The following ADAM10 variants were observed in gnomAD, a reference collection of about 807,000 sequenced individuals.
The protein encoded by ADAM10 is disintegrin and metalloproteinase domain-containing protein 10.
Under a neutral mutation model 90.1 loss-of-function variants are expected in ADAM10, and 17 were observed. The ratio of observed to expected loss-of-function variants is 0.19; its 90% CI spans 0.13 to 0.28. The LOEUF is 0.28. ADAM10 is among the 10% of genes least tolerant of loss of function. The pLI, the probability that ADAM10 is intolerant of heterozygous loss-of-function variation, is 1.00. For synonymous variants in ADAM10, 310 were observed against 298.6 expected (o/e 1.04, Z -0.40); for missense variants, 610 against 914.3 (o/e 0.67, Z 4.29).
At chr15:58,627,091 C>T (rs541040104) in intron 10 of ADAM10, among the ~76,000 whole-genome samples, 17 of 152,162 alleles carry the variant, frequency 1.1e-4, no homozygotes, top group African/African-American at 4.1e-4. Context: ...ATTCATACAA[C>T]GTAATAGTAC....
At chr15:58,706,662 G>A (rs1296042925) in intron 2 of ADAM10, among the ~76,000 whole-genome samples, 1 of 152,096 alleles carries the variant, frequency 6.6e-6, no homozygotes, top group Non-Finnish European at 1.5e-5. Flanking sequence ...GAGGAGGAAG[G>A]GGGAAAGGGT....
In ADAM10 at chr15:58,649,213, A is replaced by G. The variant is rs548748860; in HGVS notation, c.586-3009T>C. Among the ~76,000 whole-genome samples the G allele has an allele frequency of 1.6e-4, 25 of 152,266 alleles. No homozygotes were observed. In the South Asian group the frequency reaches 2.5e-3, roughly 15 times the overall value. The stretch of plus-strand genomic sequence containing the variant: ...CTTCCCCCATTAGCTTGTTAGTTAT[A>G]TATTTTACTAATACTTGACTTACCA... On this transcript the variant is annotated intron_variant, in intron 5 of 15. Transcript: ENST00000260408.
rs1337792617 is a variant in ADAM10 at position 58,593,842 on chromosome 15, A to G, written c.*3705T>C. The G allele has an allele frequency of 1.1e-4, 16 of 152,256 alleles. No homozygotes were observed. Among genetic ancestry groups the G allele is most frequent in the Admixed American group, 7.2e-4 (11 of 15,290 alleles). 9.4% of individuals were successfully genotyped at this position (152,256 alleles called of 1,614,324 possible). A position where few individuals can be genotyped will look rare whatever the true frequency, so the allele number is the denominator to read the frequency against. On this transcript the variant is annotated 3_prime_UTR_variant, in exon 16 of 16. Coordinates refer to ENST00000260408, the MANE Select transcript of ADAM10 (RefSeq NM_001110.4). ...CTGAAAATAGTACATACATGTATAT[A>G]TCTAAGACACACAAACAATATAGTA...
intron 2 of ADAM10, among the ~76,000 whole-genome samples, chr15:58,703,641 GCT>G (rs1474311969): frequency 2.6e-5 from 4 of 152,142 alleles, no homozygotes; most frequent in African/African-American, 9.7e-5. Context: ...ACATGGTTTG[GCT>G]CTGTGTCCCC....
intron 2 of ADAM10, among the ~76,000 whole-genome samples, chr15:58,688,770 A>ATT (rs1897683685): frequency 8.2e-6 from 1 of 122,640 alleles, no homozygotes; most frequent in African/African-American, 3.9e-5. Context: ...AAAAAATTAT[A>ATT]TATATATATA....
In ADAM10 at chr15:58,695,436, T is replaced by C. The variant is rs997747458; in HGVS notation, c.207-13122A>G. ...TATGTGACTGTAAATACATAAATTA[T>C]GTTTATAAAGGTACACACTATTTTG... On this transcript the variant is annotated intron_variant, in intron 2 of 15. Transcript: ENST00000260408. Among the ~76,000 whole-genome samples, 15 of 152,260 alleles carry C rather than the reference T, an allele frequency of 9.9e-5. 1 individual carries two copies. Among genetic ancestry groups the C allele is most frequent in the African/African-American group, 2.9e-4 (12 of 41,468 alleles).
intron 3 of ADAM10, among the ~76,000 whole-genome samples, chr15:58,680,984 T>A (rs1897418499): frequency 6.6e-6 from 1 of 152,106 alleles, no homozygotes; most frequent in Non-Finnish European, 1.5e-5. Context: ...ACTAAATTTT[T>A]ATGTTTTTTA....
Position 58,596,584 on chromosome 15 carries a change from T to C in ADAM10, c.*963A>G, listed in dbSNP as rs202232181. The C allele has an allele frequency of 1.3e-5, 2 of 152,594 alleles. No individual in the cohort carries two copies. The highest frequency in any genetic ancestry group is 2.9e-5 in the Non-Finnish European group (2 of 68,024). 9.5% of individuals were successfully genotyped at this position (152,594 alleles called of 1,614,324 possible). On this transcript the variant is annotated 3_prime_UTR_variant, in exon 16 of 16. Coordinates refer to ENST00000260408, the MANE Select transcript of ADAM10 (RefSeq NM_001110.4). Reference sequence around the variant, plus strand: ...AAACATAATTAGCATATTTCAGATATATGAAAAACACAAATAAGTAGGCTA... The same window carrying C: ...AAACATAATTAGCATATTTCAGATACATGAAAAACACAAATAAGTAGGCTA...
intron 2 of ADAM10, among the ~76,000 whole-genome samples, chr15:58,685,576 A>G (rs1268211575): frequency 7.1e-6 from 1 of 140,754 alleles, no homozygotes. Context: ...ATATATATAT[A>G]TATATATGTA....
chr15:58,745,869 A>G (rs2140855435), intron 1 of ADAM10, among the ~76,000 whole-genome samples: 1 of 152,358 alleles, frequency 6.6e-6, no homozygotes, highest in South Asian at 2.1e-4. Context: ...ATAGGAATAC[A>G]GCCCACTAGT....
intron 9 of ADAM10, among the ~76,000 whole-genome samples, chr15:58,629,877 C>T (rs1210856101): frequency 2.0e-5 from 3 of 152,006 alleles, no homozygotes; most frequent in Non-Finnish European, 4.4e-5. Flanking sequence ...TCATCCTCCC[C>T]GACCTTAGCT....
At chr15:58,630,126 G>A (rs1020611525) in intron 9 of ADAM10, among the ~76,000 whole-genome samples, 2 of 152,100 alleles carry the variant, frequency 1.3e-5, no homozygotes, top group African/African-American at 4.8e-5. Context: ...TATAAAATGA[G>A]CACTGCAAAA....
chr15:58,606,717 A>G (rs968115765), intron 14 of ADAM10, among the ~76,000 whole-genome samples: 1 of 152,226 alleles, frequency 6.6e-6, no homozygotes, highest in Non-Finnish European at 1.5e-5. Flanking sequence ...CAGACAAACT[A>G]TTAGCACGCA....
intron 2 of ADAM10, among the ~76,000 whole-genome samples, chr15:58,715,228 C>G (rs1186322470): frequency 2.0e-5 from 3 of 151,934 alleles, no homozygotes; most frequent in African/African-American, 7.3e-5. Context: ...TCGAGACCAG[C>G]CTGGCCAACA....
chr15:58,700,303 C>T (rs984804028), intron 2 of ADAM10, among the ~76,000 whole-genome samples: 1 of 152,128 alleles, frequency 6.6e-6, no homozygotes, highest in Non-Finnish European at 1.5e-5. Flanking sequence ...TTCTCATCAG[C>T]ACATGAAATA....
At chr15:58,717,940 A>AG (rs1386233386) in intron 1 of ADAM10, among the ~76,000 whole-genome samples, 1 of 152,100 alleles carries the variant, frequency 6.6e-6, no homozygotes, top group Non-Finnish European at 1.5e-5. Context: ...TGTTAGCCAT[A>AG]GGTTTGTTTT....
At chr15:58,634,522 G>A (rs1351722664) in intron 8 of ADAM10, among the ~76,000 whole-genome samples, 1 of 152,076 alleles carries the variant, frequency 6.6e-6, no homozygotes, top group Non-Finnish European at 1.5e-5. Context: ...AACAGCAAAT[G>A]ACAGTGCTTT....
At chr15:58,714,390 T>C (rs1262421713) in intron 2 of ADAM10, among the ~76,000 whole-genome samples, 4 of 152,012 alleles carry the variant, frequency 2.6e-5, no homozygotes, top group African/African-American at 9.7e-5. Flanking sequence ...CTTCCAAGTA[T>C]ATTCTTCTTG....
intron 8 of ADAM10, 123 bp downstream of exon 8, chr15:58,640,654 G>T: frequency 1.1e-6 from 1 of 937,860 alleles, no homozygotes; most frequent in Non-Finnish European, 1.6e-6. Context: ...CCTAACTCAA[G>T]TAGCATAAAT....
Sources: gnomAD v4.1 joint callset for allele counts (sites outside exome capture counted in the v4.1 genomes callset) on GRCh38, gnomAD v4.1.1 for gene constraint, MANE v1.5 for transcripts, NCBI Gene and HGNC (gene_info 2026-07-23, HGNC 2026-07-21) for gene names.